PIGT: variants seen among roughly 807,000 people sequenced by gnomAD.
The protein encoded by PIGT is GPI-anchor transamidase component PIGT.
PIGT carries 57 observed loss-of-function variants against 66.7 expected under a neutral mutation model. The ratio of observed to expected loss-of-function variants is 0.86; its 90% CI spans 0.69 to 1.07. PIGT has a LOEUF of 1.07. PIGT is among the 50% of genes least tolerant of loss of function. PIGT has a pLI of 0.00. For synonymous variants in PIGT, 362 were observed against 320.5 expected, an observed-to-expected ratio of 1.13 and a Z score of -1.38; for missense variants, 725 against 740.4, an observed-to-expected ratio of 0.98 and a Z score of 0.24.
At chr20:45,418,700 G>T in intron 2 of PIGT, 152 bp from the exon 3 acceptor site, 2 of 890,624 alleles carry the variant, frequency 2.2e-6, no homozygotes, top group Non-Finnish European at 3.6e-6. Context: ...TGGGCTGGCT[G>T]GGGGCAGCAA....
intron 9 of PIGT, chr20:45,423,685 C>G (rs1174953187): frequency 1.4e-5 from 2 of 148,030 alleles, no homozygotes; most frequent in Non-Finnish European, 2.9e-5. Flanking sequence ...CTCTCTTCAT[C>G]TGTAGCAGTG....
chr20:45,425,119 CTT>C (rs1990625555), intron 11 of PIGT: 1 of 116,628 alleles, frequency 8.6e-6, no homozygotes, highest in South Asian at 2.4e-4. Context: ...TCTTTCTTTC[CTT>C]TCTCTCTCTT....
chr20:45,420,377 G>GA lies in PIGT; in HGVS notation c.815_816insA (p.Cys272Ter). The GA allele has an allele frequency of 6.2e-7, 1 of 1,613,574 alleles. No homozygotes were observed. The highest frequency in any genetic ancestry group is 8.5e-7 in the Non-Finnish European group (1 of 1,179,900). The change falls in exon 7 of 12, where the codon TGC becomes TGAC. Residue 272 changes from cysteine (C) to a stop codon, truncating the protein, a stop_gained and frameshift_variant. Transcript: ENST00000279036. LOFTEE classifies it high-confidence loss of function. Reference sequence around the variant, plus strand: ...TTCTCCCGAACCCTCACGGAGCCCTGCCCCCTGGCTTCAGAGAGCCGAGTC... The same window carrying GA: ...TTCTCCCGAACCCTCACGGAGCCCTGACCCCCTGGCTTCAGAGAGCCGAGTC... ...RMFSRTLTEP[C>*]PLASESRVYV... is the part of the protein sequence containing the mutation.
intron 11 of PIGT, 137 bp from the exon 12 acceptor site, chr20:45,425,437 G>T: frequency 1.2e-5 from 7 of 589,820 alleles, no homozygotes; most frequent in East Asian, 5.5e-5. Context: ...ATTGAGCTAT[G>T]CCTTCTGTTG....
intron 9 of PIGT, chr20:45,423,918 C>G: frequency 2.6e-6 from 1 of 383,450 alleles, no homozygotes; most frequent in East Asian, 4.5e-5. Flanking sequence ...CTGTGAACTT[C>G]TTCTTGCGTC....
In PIGT at chr20:45,425,682, C is replaced by T. The variant is rs1260336117; in HGVS notation, c.1593C>T (p.Leu531=). Residue 531 remains leucine (L), a synonymous_variant, in exon 12 of 12, where the codon CTC becomes CTT. Transcript: ENST00000279036. ...DFSMPYNVIC[L]TCTVVAVCYG... ...GCATGCCCTACAACGTGATCTGCCT[C>T]ACGTGCACTGTGGTGGCCGTGTGCT... 4 of 1,614,206 alleles carry T rather than the reference C, an allele frequency of 2.5e-6. No individual in the cohort carries two copies. Among genetic ancestry groups the T allele is most frequent in the South Asian group, 1.1e-5 (1 of 91,088 alleles).
At chr20:45,422,073 G>A (rs1397093936) in intron 9 of PIGT, 1 of 151,806 alleles carries the variant, frequency 6.6e-6, no homozygotes, top group East Asian at 1.9e-4. Context: ...TTTTTCTAAG[G>A]AGAAGATAAT....
intron 5 of PIGT, 34 bp downstream of exon 5, chr20:45,419,624 AG>A: frequency 6.9e-7 from 1 of 1,440,094 alleles, no homozygotes; most frequent in South Asian, 1.1e-5. Context: ...GCTGCCATCC[AG>A]GGGCTCAGAG....
intron 11 of PIGT, chr20:45,424,866 T>A: frequency 2.2e-6 from 1 of 447,640 alleles, no homozygotes; most frequent in South Asian, 2.3e-5. Context: ...CAAGTGCTTC[T>A]GAGAGCACTG....
chr20:45,421,327 G>T, intron 8 of PIGT, 56 bp from the exon 9 acceptor site: 2 of 1,472,982 alleles, frequency 1.4e-6, no homozygotes, highest in Middle Eastern at 3.7e-4. Flanking sequence ...GGCAGGTGGG[G>T]TGGGGAGTGA....
chr20:45,419,611 G>A, intron 5 of PIGT, 21 bp downstream of exon 5: 1 of 1,550,550 alleles, frequency 6.4e-7, no homozygotes, highest in Non-Finnish European at 8.9e-7. Context: ...GGGAGTAGAG[G>A]AAGCTGCCAT....
At chr20:45,416,491 T>G in intron 1 of PIGT, 26 bp from the exon 2 acceptor site, 1 of 1,609,166 alleles carries the variant, frequency 6.2e-7, no homozygotes, top group South Asian at 1.1e-5. Flanking sequence ...GTGGGGATCG[T>G]CACTCACCTG....
Position 45,419,868 on chromosome 20 carries a change from C to T in PIGT, c.682-268C>T, listed in dbSNP as rs1990237573. ...TGGCGTAACCTTGGGTGAATCATTT[C>T]ATTCCCCTGAGCTTGGTTTCCCACC... On this transcript the variant is annotated intron_variant, in intron 5 of 11. Transcript: ENST00000279036. The T allele has an allele frequency of 1.0e-5, 6 of 600,332 alleles. No homozygotes were observed. The South Asian group carries it at 1.2e-4, about 12-fold the overall frequency. 37.2% of individuals were successfully genotyped at this position (600,332 alleles called of 1,614,324 possible). A position where few individuals can be genotyped will look rare whatever the true frequency, so the allele number is the denominator to read the frequency against.
intron 8 of PIGT, chr20:45,421,070 GTTAA>G (rs1179045121): frequency 1.9e-6 from 1 of 514,934 alleles, no homozygotes; most frequent in African/African-American, 1.9e-5. Flanking sequence ...GCAGGTGTCA[GTTAA>G]TTAATTACAG....
At position 45,418,874 on chromosome 20, in the gene PIGT, C is replaced by G. The variant is rs1990156345; in HGVS notation, c.388C>G (p.Leu130Val). ...VTDVDKSWKE[L>V]SNVLSGIFCA... is the part of the protein sequence containing the mutation. The stretch of plus-strand genomic sequence containing the variant: ...CAGTGTGGATAAATCTTGGAAGGAG[C>G]TCAGTAATGTCCTCTCAGGGATCTT... The change falls in exon 3 of 12, where the codon CTC (leucine) becomes GTC (valine). Residue 130 changes from leucine (L) to valine (V), a missense_variant. Leu to Val is a conservative substitution (Grantham distance 32, BLOSUM62 1). Coordinates refer to ENST00000279036, the MANE Select transcript of PIGT (RefSeq NM_015937.6). 1 of 1,613,888 alleles carries G rather than the reference C, an allele frequency of 6.2e-7. No homozygotes were observed. Among genetic ancestry groups the G allele is most frequent in the Admixed American group, 1.7e-5 (1 of 60,000 alleles).
At chr20:45,416,715 C>G in intron 2 of PIGT, 21 bp downstream of exon 2, 3 of 1,593,322 alleles carry the variant, frequency 1.9e-6, no homozygotes, top group Non-Finnish European at 2.6e-6. Context: ...ACCTTGGGCC[C>G]TGTTGCAGGC....
chr20:45,416,210 C>T lies in PIGT; in HGVS notation c.54C>T (p.Gly18=), dbSNP rs755835608. The T allele has an allele frequency of 6.3e-6, 10 of 1,592,914 alleles. No homozygotes were observed. The highest frequency in any genetic ancestry group is 7.7e-6 in the Non-Finnish European group (9 of 1,170,718). The change falls in exon 1 of 12, where the codon GGC becomes GGT. Residue 18 remains glycine (G), a synonymous_variant. Transcript: ENST00000279036. Reference sequence around the variant, plus strand: ...TCGTCCTGTTGCTCCTGGGGCCCGGCGGCTGGTGCCTTGCAGAACCCCCAC... The same window carrying T: ...TCGTCCTGTTGCTCCTGGGGCCCGGTGGCTGGTGCCTTGCAGAACCCCCAC... ...ALLVLLLLGP[G]GWCLAEPPRD...
rs765734232 is a variant in PIGT at position 45,426,163 on chromosome 20, T to G, written c.*337T>G. 2 of 379,438 alleles carry G rather than the reference T, an allele frequency of 5.3e-6. No homozygotes were observed. Among genetic ancestry groups the G allele is most frequent in the Non-Finnish European group, 9.8e-6 (2 of 204,470 alleles). 23.5% of individuals were successfully genotyped at this position (379,438 alleles called of 1,614,324 possible). A position where few individuals can be genotyped will look rare whatever the true frequency, so the allele number is the denominator to read the frequency against. ...CGGCTGGCAGCACTGGCCAAGGTGA[T>G]GGGGTGTGCTACACAGTGTATGTCA... On this transcript the variant is annotated 3_prime_UTR_variant, in exon 12 of 12. Coordinates refer to ENST00000279036, the MANE Select transcript of PIGT (RefSeq NM_015937.6).
intron 9 of PIGT, chr20:45,423,483 C>T (rs981811510): frequency 6.6e-6 from 1 of 150,740 alleles, no homozygotes; most frequent in African/African-American, 2.4e-5. Context: ...TCAGCATGGG[C>T]GACAGTGTGA....
Sources: allele counts gnomAD v4.1 joint callset, GRCh38; gene constraint gnomAD v4.1.1; transcripts MANE v1.5; gene names NCBI Gene and HGNC (gene_info 2026-07-23, HGNC 2026-07-21).